TDRD9: variants seen among roughly 807,000 people sequenced by gnomAD.
TDRD9 encodes the protein tudor domain containing 9, also known as ATP-dependent RNA helicase TDRD9.
Under a neutral mutation model 172.6 loss-of-function variants are expected in TDRD9, and 124 were observed. That is an observed-to-expected ratio of 0.72 (90% CI 0.62 to 0.83). The LOEUF (loss-of-function observed/expected upper bound fraction) is 0.83. Ranked by LOEUF, TDRD9 falls within the 40% of genes least tolerant of loss-of-function variation. The pLI, the probability that TDRD9 is intolerant of heterozygous loss-of-function variation, is 0.00. For synonymous variants in TDRD9, 619 were observed against 617.1 expected, an observed-to-expected ratio of 1.00 and a Z score of -0.05; for missense variants, 1,479 against 1,714.1, an observed-to-expected ratio of 0.86 and a Z score of 2.42.
intron 12 of TDRD9, among the ~76,000 whole-genome samples, chr14:103,996,284 CCTAACACATGTGTCGGGCA>C (rs1566768829): frequency 6.6e-6 from 1 of 152,198 alleles, no homozygotes; most frequent in African/African-American, 2.4e-5. Flanking sequence ...TATTTGAAAA[CCTAACACATGTGTCGGGCA>C]CTGTTCTCAG....
intron 34 of TDRD9, among the ~76,000 whole-genome samples, chr14:104,043,595 T>A (rs1056439955): frequency 6.6e-6 from 1 of 152,142 alleles, no homozygotes; most frequent in African/African-American, 2.4e-5. Context: ...TATGCCCATG[T>A]GGCCAGCACC....
chr14:104,035,311 T>C (rs2035418130), intron 32 of TDRD9, among the ~76,000 whole-genome samples: 1 of 152,036 alleles, frequency 6.6e-6, no homozygotes, highest in East Asian at 1.9e-4. Flanking sequence ...GTAAAATAAA[T>C]TAAAAATGGA....
intron 1 of TDRD9, among the ~76,000 whole-genome samples, chr14:103,937,120 G>C (rs1457610168): frequency 6.6e-6 from 1 of 152,168 alleles, no homozygotes; most frequent in Non-Finnish European, 1.5e-5. Flanking sequence ...ACAAATTCTT[G>C]AGTAAACCTT....
At chr14:104,014,538 C>T (rs1278210725) in intron 20 of TDRD9, among the ~76,000 whole-genome samples, 187 bp from the exon 21 acceptor site, 1 of 152,114 alleles carries the variant, frequency 6.6e-6, no homozygotes, top group East Asian at 1.9e-4. Flanking sequence ...ACCTTGGCCT[C>T]CCAAAGTGCT....
At chr14:103,951,820 G>T (rs1377005719) in intron 1 of TDRD9, among the ~76,000 whole-genome samples, 2 of 151,290 alleles carry the variant, frequency 1.3e-5, no homozygotes, top group African/African-American at 4.9e-5. Flanking sequence ...AGGCTGGAGT[G>T]CAGTGGCGTG....
chr14:103,943,635 C>T (rs1344197704), intron 1 of TDRD9, among the ~76,000 whole-genome samples: 1 of 151,962 alleles, frequency 6.6e-6, no homozygotes, highest in Non-Finnish European at 1.5e-5. Flanking sequence ...AGGCATGAGC[C>T]ACTGCGCTGG....
rs538839584 is a variant in TDRD9, at chr14:104,009,826, C to T, written c.2106+1360C>T. Among the ~76,000 whole-genome samples the T allele has an allele frequency of 2.6e-5, 4 of 152,226 alleles. No homozygotes were observed. The East Asian group carries it at 7.7e-4, about 29-fold the overall frequency. On this transcript the variant is annotated intron_variant, in intron 20 of 35. Coordinates refer to ENST00000409874, the MANE Select transcript of TDRD9 (RefSeq NM_153046.3). ...TGTTGCCCAGGCTGGAGTGCAATGG[C>T]ATGATCACAGCTCATAGAAGCCTTG...
chr14:103,944,507 C>T lies in TDRD9; in HGVS notation c.216-11157C>T, dbSNP rs920799398. On this transcript the variant is annotated intron_variant, in intron 1 of 35. Transcript: ENST00000409874. Reference sequence around the variant, plus strand: ...TGAACTCTGATTTTATTTATCTTCACTGTTAAACTTATAGAAAGACTGGTT... The same window carrying T: ...TGAACTCTGATTTTATTTATCTTCATTGTTAAACTTATAGAAAGACTGGTT... 3.3e-5 allele frequency among the ~76,000 whole-genome samples: 5 copies of T among 152,122 alleles called. No homozygotes were observed. The East Asian group carries it at 5.8e-4, about 18-fold the overall frequency.
At chr14:104,037,095 C>A (rs1426119919) in intron 32 of TDRD9, among the ~76,000 whole-genome samples, 2 of 151,694 alleles carry the variant, frequency 1.3e-5, no homozygotes, top group Non-Finnish European at 2.9e-5. Flanking sequence ...AAGATGACAG[C>A]TGTTTGATTT....
intron 8 of TDRD9, among the ~76,000 whole-genome samples, chr14:103,990,376 G>A (rs138409689): frequency 6.6e-6 from 1 of 152,334 alleles, no homozygotes; most frequent in Non-Finnish European, 1.5e-5. Context: ...CTCCTTTGTA[G>A]TGACTGTTCC....
At chr14:103,977,474 CAGAG>C (rs1370601047) in intron 7 of TDRD9, among the ~76,000 whole-genome samples, 2 of 103,848 alleles carry the variant, frequency 1.9e-5, no homozygotes, top group African/African-American at 7.6e-5. Flanking sequence ...GCCTGGGTGA[CAGAG>C]AGAGACTCCA....
intron 3 of TDRD9, among the ~76,000 whole-genome samples, chr14:103,963,817 A>G (rs528403996): frequency 2.0e-5 from 3 of 152,370 alleles, no homozygotes; most frequent in Non-Finnish European, 4.4e-5. Context: ...TCATGCAACT[A>G]AAAATTAGAG....
At chr14:104,024,799 G>A (rs561289356) in intron 25 of TDRD9, 119 bp downstream of exon 25, 26 of 465,910 alleles carry the variant, frequency 5.6e-5, no homozygotes, top group African/African-American at 4.4e-4. Context: ...CAGAACTTGT[G>A]CACCTTGGTA....
intron 8 of TDRD9, among the ~76,000 whole-genome samples, chr14:103,987,784 C>T (rs1298531445): frequency 2.0e-5 from 3 of 152,158 alleles, no homozygotes; most frequent in Non-Finnish European, 2.9e-5. Context: ...CCATATTGTT[C>T]AGGTCTTCTA....
intron 22 of TDRD9, among the ~76,000 whole-genome samples, chr14:104,017,705 A>G (rs1425970422): frequency 1.3e-5 from 2 of 151,912 alleles, no homozygotes; most frequent in African/African-American, 4.8e-5. Flanking sequence ...GAGGAAATAC[A>G]TATTCCTCTC....
chr14:103,984,036 T>C (rs1379505670), intron 7 of TDRD9, among the ~76,000 whole-genome samples: 1 of 152,210 alleles, frequency 6.6e-6, no homozygotes. Context: ...AGTTTGAACT[T>C]GAACGAGATG....
intron 1 of TDRD9, among the ~76,000 whole-genome samples, chr14:103,952,044 C>T (rs113616380): frequency 1.0e-4 from 15 of 145,910 alleles, no homozygotes; most frequent in African/African-American, 1.5e-4. Context: ...CTGGGATTAC[C>T]GGCGTGAGCC....
chr14:103,966,875 TA>T lies in TDRD9; in HGVS notation c.765+51del, dbSNP rs535644524. On this transcript the variant is annotated intron_variant, in intron 5 of 35. Coordinates refer to ENST00000409874, the MANE Select transcript of TDRD9 (RefSeq NM_153046.3). The stretch of plus-strand genomic sequence containing the variant: ...TTGTAAAGGTCATATTTATCTCTCT[TA>T]AAAAAACTCTCAGAGTATTGTGAAC... 593 of 1,509,720 alleles carry T rather than the reference TA, an allele frequency of 3.9e-4. 2 individuals are homozygous for T. In the African/African-American group the frequency reaches 7.2e-3, roughly 18 times the overall value. The allele number at this position is 1,509,720 out of a possible 1,614,324, so 93.5% of individuals were successfully genotyped here.
intron 20 of TDRD9, among the ~76,000 whole-genome samples, chr14:104,013,356 G>A (rs2034673919): frequency 6.6e-6 from 1 of 152,124 alleles, no homozygotes; most frequent in African/African-American, 2.4e-5. Flanking sequence ...GGGACTATTT[G>A]GCCATAGGTC....
Sources: gnomAD v4.1 joint callset for allele counts (sites outside exome capture counted in the v4.1 genomes callset) on GRCh38, gnomAD v4.1.1 for gene constraint, MANE v1.5 for transcripts, NCBI Gene and HGNC (gene_info 2026-07-23, HGNC 2026-07-21) for gene names.